Variants in UTP18 observed in about 807,000 individuals in gnomAD.
The protein encoded by UTP18 is U3 small nucleolar RNA-associated protein 18 homolog.
In UTP18, 36 loss-of-function variants were observed where a neutral mutation model predicts 61.1. The observed-to-expected ratio is 0.59, with a 90% CI of 0.45 to 0.78. UTP18 has a LOEUF of 0.78. UTP18 is among the 30% of genes least tolerant of loss of function. The pLI is 0.00. For missense variants in UTP18, 753 were observed against 693.9 expected (o/e 1.09, Z -0.96); for synonymous variants, 282 against 251.1 (o/e 1.12, Z -1.16).
At chr17:51,271,427 C>G (rs192996603) in intron 4 of UTP18, among the ~76,000 whole-genome samples, 233 of 152,104 alleles carry the variant, frequency 1.5e-3, no homozygotes, top group Non-Finnish European at 2.2e-3. Flanking sequence ...CCACCTCAGC[C>G]TCTGGAGTAG....
At chr17:51,269,841 G>T (rs755057497) in intron 4 of UTP18, among the ~76,000 whole-genome samples, 258 of 108,230 alleles carry the variant, frequency 2.4e-3, no homozygotes, top group Non-Finnish European at 4.2e-3. Flanking sequence ...ATAATGTATT[G>T]TGTGTGTGTG....
At chr17:51,275,030 T>C (rs905866067) in intron 5 of UTP18, among the ~76,000 whole-genome samples, 12 of 151,602 alleles carry the variant, frequency 7.9e-5, no homozygotes, top group African/African-American at 2.4e-4. Context: ...AAACCTCATC[T>C]CTACTGAAAA....
At chr17:51,293,502 G>GTTT (rs5820850) in intron 11 of UTP18, among the ~76,000 whole-genome samples, 5 of 143,954 alleles carry the variant, frequency 3.5e-5, no homozygotes, top group Admixed American at 3.4e-4. Context: ...ATGAGTTGTT[G>GTTT]TTTTTTTTTT....
intron 9 of UTP18, among the ~76,000 whole-genome samples, chr17:51,280,796 G>A (rs1904888871): frequency 6.6e-6 from 1 of 151,856 alleles, no homozygotes; most frequent in Non-Finnish European, 1.5e-5. Context: ...CTGGGGGACA[G>A]AACGAGACTC....
At position 51,288,201 on chromosome 17, in the gene UTP18, T is replaced by C. The variant is rs1454491812; in HGVS notation, c.1501T>C (p.Leu501=). 6.3e-7 allele frequency: 1 copy of C among 1,577,048 alleles called. No individual in the cohort carries two copies. The highest frequency in any genetic ancestry group is 8.6e-7 in the Non-Finnish European group (1 of 1,169,556). ...AGAAAAAATGAAAGAAGCAGTCAGA[T>C]TGGTAAATATTTCATTACCCCTTTA... The part of the protein sequence containing the change: ...ASEKMKEAVR[L]VHLPSCTVFS... Residue 501 remains leucine (L), a splice_region_variant and synonymous_variant, in exon 11 of 14, where the codon TTG becomes CTG. Coordinates refer to ENST00000225298, the MANE Select transcript of UTP18 (RefSeq NM_016001.3).
intron 1 of UTP18, among the ~76,000 whole-genome samples, chr17:51,262,608 C>T (rs2055518562): frequency 6.6e-6 from 1 of 152,020 alleles, no homozygotes; most frequent in East Asian, 1.9e-4. Context: ...ATTCTCCGAA[C>T]ACTTTAAACT....
At chr17:51,263,087 T>C (rs188478953) in intron 1 of UTP18, among the ~76,000 whole-genome samples, 187 bp from the exon 2 acceptor site, 1 of 152,378 alleles carries the variant, frequency 6.6e-6, no homozygotes, top group East Asian at 1.9e-4. Context: ...GTCCAGTCGG[T>C]GCCATTCTCT....
intron 1 of UTP18, 86 bp downstream of exon 1, chr17:51,261,012 G>A: frequency 1.6e-6 from 2 of 1,224,904 alleles, no homozygotes; most frequent in South Asian, 2.7e-5. Flanking sequence ...GAGCCTGGGC[G>A]ACCTGCGGCG....
At chr17:51,288,722 A>G (rs547684915) in intron 11 of UTP18, 8 of 419,458 alleles carry the variant, frequency 1.9e-5, no homozygotes, top group Non-Finnish European at 3.8e-5. Flanking sequence ...ACGAGAGATG[A>G]CTTCCAGGAC....
chr17:51,270,605 A>T (rs545051685), intron 4 of UTP18, among the ~76,000 whole-genome samples: 1 of 152,220 alleles, frequency 6.6e-6, no homozygotes, highest in Non-Finnish European at 1.5e-5. Context: ...ACCCAAGTTT[A>T]TAGAAGTTCT....
At chr17:51,284,192 T>C (rs1905036990) in intron 9 of UTP18, among the ~76,000 whole-genome samples, 1 of 152,200 alleles carries the variant, frequency 6.6e-6, no homozygotes, top group Non-Finnish European at 1.5e-5. Flanking sequence ...GAGTTGAAAC[T>C]GAGATTCACT....
chr17:51,272,484 A>G lies in UTP18; in HGVS notation c.623-878A>G, dbSNP rs180837929. ...TTGTCTGTTTTTCCTTGTGGTTTTT[A>G]GTCAAGTTATCTTGTCAATATTTGC... On this transcript the variant is annotated intron_variant, in intron 4 of 13. Coordinates refer to ENST00000225298, the MANE Select transcript of UTP18 (RefSeq NM_016001.3). Among the ~76,000 whole-genome samples, 567 of 152,110 alleles carry G rather than the reference A, an allele frequency of 3.7e-3. 2 individuals are homozygous for G. The highest frequency in any genetic ancestry group is 5.0e-3 in the Non-Finnish European group (342 of 67,994).
chr17:51,286,283 C>A (rs970891281), intron 10 of UTP18, among the ~76,000 whole-genome samples: 1 of 152,146 alleles, frequency 6.6e-6, no homozygotes, highest in Non-Finnish European at 1.5e-5. Flanking sequence ...CGCAGTAATT[C>A]TAAGCTACCT....
rs1296153174 is a variant in UTP18, at chr17:51,277,163, A to T, written c.871A>T (p.Ile291Phe). The change falls in exon 7 of 14, where the codon ATC (isoleucine) becomes TTC (phenylalanine). Residue 291 changes from isoleucine (I) to phenylalanine (F), a missense_variant. Physicochemically the swap from Ile to Phe is conservative, Grantham distance 21 (BLOSUM62 0). Transcript: ENST00000225298. ...DGKTNPKIQS[I>F]YLERFPIFKA... ...GAAAACAAATCCTAAAATTCAGAGC[A>T]TCTATTTGGAAAGGTTTCCAATCTT... 1.2e-6 allele frequency: 2 copies of T among 1,614,140 alleles called. No individual in the cohort carries two copies. The highest frequency in any genetic ancestry group is 4.5e-5 in the East Asian group (2 of 44,876).
intron 11 of UTP18, among the ~76,000 whole-genome samples, chr17:51,290,860 G>T (rs1905220501): frequency 6.6e-6 from 1 of 152,200 alleles, no homozygotes; most frequent in Admixed American, 6.5e-5. Context: ...AAAAAACATT[G>T]TTAGCATTGT....
In UTP18 at chr17:51,293,914, T is replaced by A; in HGVS notation, c.1515T>A (p.Pro505=). The change falls in exon 12 of 14, where the codon CCT becomes CCA. Residue 505 remains proline, a synonymous_variant. Coordinates refer to ENST00000225298, the MANE Select transcript of UTP18 (RefSeq NM_016001.3). The part of the protein sequence containing the change: ...MKEAVRLVHL[P]SCTVFSNFPV... ...ATTATCTCCTGCAGGTTCATCTTCC[T>A]TCCTGTACAGTATTTTCAAACTTCC... 6.3e-7 allele frequency: 1 copy of A among 1,597,342 alleles called. No homozygotes were observed. The highest frequency in any genetic ancestry group is 2.3e-5 in the East Asian group (1 of 44,226).
intron 9 of UTP18, among the ~76,000 whole-genome samples, chr17:51,282,926 T>A (rs1350887700): frequency 6.9e-6 from 1 of 145,694 alleles, no homozygotes; most frequent in Non-Finnish European, 1.5e-5. Context: ...TGGAGTGCAG[T>A]GGCACGATCT....
intron 4 of UTP18, among the ~76,000 whole-genome samples, chr17:51,270,681 AGAAAGAGGG>A (rs1383530530): frequency 4.6e-5 from 7 of 152,282 alleles, no homozygotes; most frequent in Non-Finnish European, 5.9e-5. Flanking sequence ...TTATAGGAGG[AGAAAGAGGG>A]GATTTTTATT....
intron 10 of UTP18, chr17:51,286,539 G>C (rs777379209): frequency 2.8e-5 from 13 of 456,166 alleles, no homozygotes; most frequent in Non-Finnish European, 4.8e-5. Flanking sequence ...GCAAATTGGA[G>C]TTTGGGAGGA....
Sources: gnomAD v4.1 joint callset for allele counts (sites outside exome capture counted in the v4.1 genomes callset) on GRCh38, gnomAD v4.1.1 for gene constraint, MANE v1.5 for transcripts, NCBI Gene and HGNC (gene_info 2026-07-23, HGNC 2026-07-21) for gene names.